C8orf34: variants seen among roughly 807,000 people sequenced by gnomAD.
The protein encoded by C8orf34 is chromosome 8 open reading frame 34.
Under a neutral mutation model 68.3 loss-of-function variants are expected in C8orf34, and 65 were observed. The ratio of observed to expected loss-of-function variants is 0.95; its 90% CI spans 0.78 to 1.17. The LOEUF (loss-of-function observed/expected upper bound fraction) is 1.17, where lower values mean the gene tolerates loss of function less well. C8orf34 is among the 50% of genes most tolerant of loss of function. The pLI, the probability that C8orf34 is intolerant of heterozygous loss-of-function variation, is 0.00. For synonymous variants in C8orf34, 244 were observed against 241.2 expected, an observed-to-expected ratio of 1.01 and a Z score of -0.11; for missense variants, 664 against 655.4, an observed-to-expected ratio of 1.01 and a Z score of -0.14.
intron 1 of C8orf34, among the ~76,000 whole-genome samples, chr8:68,425,092 G>A (rs1810151851): frequency 6.6e-6 from 1 of 152,064 alleles, no homozygotes; most frequent in Non-Finnish European, 1.5e-5. Flanking sequence ...AGCCATTAAT[G>A]AGGAAAACTA....
At chr8:68,807,149 C>T (rs1217986372) in intron 12 of C8orf34, among the ~76,000 whole-genome samples, 2 of 152,108 alleles carry the variant, frequency 1.3e-5, no homozygotes, top group Admixed American at 6.5e-5. Flanking sequence ...TCCTTAAGTC[C>T]TAAGCTTGGA....
chr8:68,353,722 A>G (rs1213560426), intron 1 of C8orf34, among the ~76,000 whole-genome samples: 2 of 150,430 alleles, frequency 1.3e-5, no homozygotes, highest in African/African-American at 2.4e-5. Flanking sequence ...AAATATTGCA[A>G]AAAAAATTGC....
intron 12 of C8orf34, among the ~76,000 whole-genome samples, chr8:68,813,265 T>A (rs1017068460): frequency 2.0e-5 from 3 of 152,226 alleles, no homozygotes; most frequent in Non-Finnish European, 4.4e-5. Context: ...GAGTCCTACT[T>A]CAAAAGAAAA....
At chr8:68,639,912 C>A (rs1401687665) in intron 7 of C8orf34, among the ~76,000 whole-genome samples, 1 of 152,176 alleles carries the variant, frequency 6.6e-6, no homozygotes, top group Non-Finnish European at 1.5e-5. Context: ...AAGCTGGAAG[C>A]AGACTCGTTA....
intron 8 of C8orf34, among the ~76,000 whole-genome samples, chr8:68,643,944 G>A (rs1393640697): frequency 2.0e-5 from 3 of 152,162 alleles, no homozygotes; most frequent in African/African-American, 7.2e-5. Context: ...CAGCAGTCAT[G>A]CTCCAGTGCA....
At chr8:68,718,085 A>G (rs780930807) in intron 9 of C8orf34, among the ~76,000 whole-genome samples, 6 of 152,088 alleles carry the variant, frequency 3.9e-5, no homozygotes, top group African/African-American at 1.2e-4. Context: ...TTCTCTGCCT[A>G]TTTAGATCAC....
intron 7 of C8orf34, among the ~76,000 whole-genome samples, chr8:68,627,557 T>C (rs2130676091): frequency 6.6e-6 from 1 of 152,304 alleles, no homozygotes; most frequent in East Asian, 1.9e-4. Context: ...AAACAAAGTG[T>C]ATGCAATATA....
chr8:68,792,752 T>C (rs181630341), intron 12 of C8orf34, among the ~76,000 whole-genome samples: 16 of 151,944 alleles, frequency 1.1e-4, no homozygotes, highest in African/African-American at 3.9e-4. Context: ...AAATATCTCA[T>C]TAAAAAATTC....
chr8:68,768,357 G>T (rs1429069467), intron 10 of C8orf34, among the ~76,000 whole-genome samples: 2 of 152,186 alleles, frequency 1.3e-5, no homozygotes, highest in Admixed American at 1.3e-4. Context: ...ATTTTAGTGA[G>T]AAGTGATATT....
intron 7 of C8orf34, among the ~76,000 whole-genome samples, chr8:68,609,335 T>C (rs540892346): frequency 1.1e-4 from 16 of 152,180 alleles, no homozygotes; most frequent in African/African-American, 3.9e-4. Context: ...TATCTAGGGG[T>C]TACTAGTATG....
chr8:68,569,587 C>T (rs1816702672), intron 7 of C8orf34, among the ~76,000 whole-genome samples: 1 of 152,234 alleles, frequency 6.6e-6, no homozygotes, highest in African/African-American at 2.4e-5. Context: ...CCAGCCTAAA[C>T]ATGACTACTG....
chr8:68,518,817 C>T (rs1814624493), intron 5 of C8orf34, among the ~76,000 whole-genome samples: 1 of 147,556 alleles, frequency 6.8e-6, no homozygotes. Flanking sequence ...TTGCTTGAAC[C>T]CAGGAGGTGG....
intron 5 of C8orf34, among the ~76,000 whole-genome samples, chr8:68,509,165 G>T (rs903171265): frequency 6.6e-6 from 1 of 152,158 alleles, no homozygotes; most frequent in Admixed American, 6.5e-5. Context: ...GCTGACAGGG[G>T]GCACTGTGTT....
chr8:68,611,095 G>A (rs999897540), intron 7 of C8orf34, among the ~76,000 whole-genome samples: 2 of 152,014 alleles, frequency 1.3e-5, no homozygotes, highest in Non-Finnish European at 2.9e-5. Flanking sequence ...TCGAACTCCC[G>A]ACCTCAGGTG....
At chr8:68,436,043 C>G (rs538601669) in intron 1 of C8orf34, among the ~76,000 whole-genome samples, 2 of 151,962 alleles carry the variant, frequency 1.3e-5, no homozygotes, top group Admixed American at 1.3e-4. Flanking sequence ...CCTATCTCTA[C>G]CAAAAAATAC....
chr8:68,535,461 T>G, intron 7 of C8orf34: 1 of 970,206 alleles, frequency 1.0e-6, no homozygotes, highest in Non-Finnish European at 1.2e-6. Context: ...TAATTGTTAG[T>G]TGACATTAAT....
chr8:68,538,139 A>G (rs1160730512), intron 7 of C8orf34, among the ~76,000 whole-genome samples: 2 of 152,224 alleles, frequency 1.3e-5, no homozygotes, highest in Non-Finnish European at 2.9e-5. Flanking sequence ...AAACCTATTT[A>G]TCACTTTGAA....
chr8:68,719,353 A>T (rs1821602951), intron 9 of C8orf34, among the ~76,000 whole-genome samples: 1 of 152,042 alleles, frequency 6.6e-6, no homozygotes, highest in Non-Finnish European at 1.5e-5. Flanking sequence ...ATCTTTCTGG[A>T]TATGGTACCA....
At chr8:68,486,632 T>C (rs1457826682) in intron 4 of C8orf34, among the ~76,000 whole-genome samples, 1 of 152,192 alleles carries the variant, frequency 6.6e-6, no homozygotes, top group Non-Finnish European at 1.5e-5. Context: ...ATTGATTCAT[T>C]AGGTTAGTGG....
Sources: gnomAD v4.1 joint callset for allele counts (sites outside exome capture counted in the v4.1 genomes callset) on GRCh38, gnomAD v4.1.1 for gene constraint, MANE v1.5 for transcripts, NCBI Gene and HGNC (gene_info 2026-07-23, HGNC 2026-07-21) for gene names.